The following TMC5 variants were observed in gnomAD, a reference collection of about 807,000 sequenced individuals.
TMC5 encodes transmembrane channel like 5.
In TMC5, 86 loss-of-function variants were observed where a neutral mutation model predicts 110.5. The ratio of observed to expected loss-of-function variants is 0.78; its 90% CI spans 0.65 to 0.93. TMC5 has a LOEUF of 0.93. Among genes scored for constraint, TMC5 ranks in the 40% least tolerant of loss-of-function variants. The pLI is 0.00. For missense variants in TMC5, 1,144 were observed against 1,222.8 expected, an observed-to-expected ratio of 0.94 and a Z score of 0.96; for synonymous variants, 455 against 439.5, an observed-to-expected ratio of 1.04 and a Z score of -0.44.
intron 5 of TMC5, among the ~76,000 whole-genome samples, chr16:19,454,357 A>G (rs1277863748): frequency 6.6e-6 from 1 of 152,140 alleles, no homozygotes; most frequent in Non-Finnish European, 1.5e-5. Context: ...GAATGAATGA[A>G]TGATATACCA....
intron 2 of TMC5, among the ~76,000 whole-genome samples, chr16:19,431,937 A>G (rs950828589): frequency 2.0e-5 from 3 of 152,064 alleles, no homozygotes; most frequent in African/African-American, 7.2e-5. Context: ...TGAATTTTTG[A>G]ATTGCTCCCA....
chr16:19,415,307 A>T (rs1743819078), upstream of TMC5, among the ~76,000 whole-genome samples: 1 of 152,154 alleles, frequency 6.6e-6, no homozygotes, highest in Non-Finnish European at 1.5e-5. Flanking sequence ...GAGCGAGGAG[A>T]CACTGTCCAT....
chr16:19,479,088 C>A lies in TMC5; in HGVS notation c.2170-343C>A, dbSNP rs536525024. Among the ~76,000 whole-genome samples, 7 of 152,290 alleles carry A rather than the reference C, an allele frequency of 4.6e-5. No homozygotes were observed. The South Asian group carries it at 6.2e-4, about 14-fold the overall frequency. The stretch of plus-strand genomic sequence containing the variant: ...CATTCTTAGCCATTGGCACTTCTGG[C>A]TCTGTTGAAGAAACCGATTACCCTT... On this transcript the variant is annotated intron_variant, in intron 13 of 21. Coordinates refer to ENST00000542583, the MANE Select transcript of TMC5 (RefSeq NM_001261841.2).
intron 15 of TMC5, among the ~76,000 whole-genome samples, chr16:19,485,593 T>G (rs1968720764): frequency 6.6e-6 from 1 of 152,204 alleles, no homozygotes; most frequent in Non-Finnish European, 1.5e-5. Context: ...CCACCACGCC[T>G]GGCCTCTCAC....
chr16:19,465,115 C>T (rs201076875), intron 8 of TMC5, among the ~76,000 whole-genome samples: 124 of 43,138 alleles, frequency 2.9e-3, no homozygotes, highest in African/African-American at 4.4e-3. Context: ...CTTCCTTCCT[C>T]CCTCCCTCCC....
At chr16:19,434,428 G>T (rs1220819038) in intron 2 of TMC5, among the ~76,000 whole-genome samples, 2 of 129,926 alleles carry the variant, frequency 1.5e-5, no homozygotes, top group African/African-American at 5.9e-5. Flanking sequence ...TATATAATAT[G>T]TATATATCAT....
intron 9 of TMC5, among the ~76,000 whole-genome samples, chr16:19,467,496 T>C (rs1487256876): frequency 1.3e-5 from 2 of 152,154 alleles, no homozygotes; most frequent in Non-Finnish European, 2.9e-5. Context: ...AATTAATTTA[T>C]TTTGAGATGG....
intron 19 of TMC5, among the ~76,000 whole-genome samples, chr16:19,492,746 T>C (rs1050464742): frequency 2.0e-5 from 3 of 151,260 alleles, no homozygotes; most frequent in Non-Finnish European, 4.4e-5. Context: ...TTTTATTTTT[T>C]TAGAGGTGGG....
At chr16:19,493,149 T>C (rs543509853) in intron 19 of TMC5, among the ~76,000 whole-genome samples, 215 of 150,860 alleles carry the variant, frequency 1.4e-3, no homozygotes, top group African/African-American at 5.0e-3. Flanking sequence ...TTAGTAGAGA[T>C]GGGGTTTCTC....
intron 1 of TMC5, among the ~76,000 whole-genome samples, chr16:19,419,634 A>G (rs892305203): frequency 1.3e-5 from 2 of 151,668 alleles, no homozygotes. Context: ...GGATGGTCTG[A>G]ATCTCCTGAC....
At position 19,494,382 on chromosome 16, in the gene TMC5, G is replaced by T; in HGVS notation, c.2931+16G>T. On this transcript the variant is annotated intron_variant, in intron 20 of 21. Coordinates refer to ENST00000542583, the MANE Select transcript of TMC5 (RefSeq NM_001261841.2). ...AGAGGTGGAGGTGAGTCTGGAGGCT[G>T]CCTTGGGGACCCCTGGGACACGAGC... is the stretch of plus-strand genomic sequence containing the variant. The T allele has an allele frequency of 6.2e-7, 1 of 1,602,302 alleles. No individual in the cohort carries two copies. Among genetic ancestry groups the T allele is most frequent in the Non-Finnish European group, 8.5e-7 (1 of 1,171,796 alleles).
At chr16:19,438,404 A>AAAAAAAAAG (rs1967397005) in intron 2 of TMC5, among the ~76,000 whole-genome samples, 3 of 136,030 alleles carry the variant, frequency 2.2e-5, no homozygotes, top group African/African-American at 5.6e-5. Context: ...AAAAAAAAAA[A>AAAAAAAAAG]AAAAGAAGAA....
intron 19 of TMC5, 119 bp downstream of exon 19, chr16:19,492,347 C>A: frequency 1.8e-6 from 1 of 547,068 alleles, no homozygotes; most frequent in South Asian, 3.6e-5. Context: ...TCAGCCCTAA[C>A]AACCATCAAT....
chr16:19,463,871 C>A lies in TMC5; in HGVS notation c.1332C>A (p.Thr444=), dbSNP rs780150227. Residue 444 remains threonine (T), a synonymous_variant, in exon 8 of 22, where the codon ACC becomes ACA. Transcript: ENST00000542583. The part of the protein sequence containing the change: ...TLKIIGGKFG[T]SVLSYFNFLR... Reference sequence around the variant, plus strand: ...AGATCATTGGAGGCAAGTTTGGAACCAGCGTCCTCTCCTATTTCAACTTTC... The same window carrying A: ...AGATCATTGGAGGCAAGTTTGGAACAAGCGTCCTCTCCTATTTCAACTTTC... 1.9e-6 allele frequency: 3 copies of A among 1,614,216 alleles called. No individual in the cohort carries two copies. The highest frequency in any genetic ancestry group is 1.7e-5 in the Admixed American group (1 of 60,018).
At chr16:19,484,693 G>A (rs562828972) in intron 15 of TMC5, among the ~76,000 whole-genome samples, 41 of 151,730 alleles carry the variant, frequency 2.7e-4, no homozygotes, top group Admixed American at 1.1e-3. Flanking sequence ...CCAGGGAGGC[G>A]GAGGTTGTAG....
At chr16:19,466,289 A>C (rs1968187881) in intron 9 of TMC5, 56 bp downstream of exon 9, 5 of 1,594,786 alleles carry the variant, frequency 3.1e-6, no homozygotes, top group Non-Finnish European at 4.3e-6. Flanking sequence ...TTCAGCAAAA[A>C]TCCAAGAAAT....
chr16:19,421,442 C>G (rs113167471), intron 1 of TMC5, among the ~76,000 whole-genome samples: 129 of 152,234 alleles, frequency 8.5e-4, no homozygotes, highest in African/African-American at 2.5e-3. Context: ...TGCACACACG[C>G]TCTTGCCTGC....
chr16:19,436,267 C>CCAAAAGAAAAA (rs1967342549), intron 2 of TMC5, among the ~76,000 whole-genome samples: 1 of 6,464 alleles, frequency 1.5e-4, no homozygotes, highest in South Asian at 6.7e-3. Context: ...AAGTTCGTCT[C>CCAAAAGAAAAA]AAAAAGAAAA....
At chr16:19,457,720 T>TTTTTTC (rs1192713577) in intron 5 of TMC5, among the ~76,000 whole-genome samples, 1 of 86,052 alleles carries the variant, frequency 1.2e-5, no homozygotes. Context: ...TTTTTTTTTT[T>TTTTTTC]TTTTTTTTTT....
Sources: allele counts gnomAD v4.1 joint callset (sites outside exome capture counted in the v4.1 genomes callset), GRCh38; gene constraint gnomAD v4.1.1; transcripts MANE v1.5; gene names NCBI Gene and HGNC (gene_info 2026-07-23, HGNC 2026-07-21).